Variants in CASP9 observed in about 807,000 individuals in gnomAD.
CASP9 encodes the protein caspase-9.
Under a neutral mutation model 43.5 loss-of-function variants are expected in CASP9, and 29 were observed. The observed-to-expected ratio is 0.67, with a 90% CI of 0.50 to 0.91. CASP9 has a LOEUF of 0.91. Ranked by LOEUF, CASP9 falls within the 40% of genes least tolerant of loss-of-function variation. The pLI, the probability that CASP9 is intolerant of heterozygous loss-of-function variation, is 0.00. For missense variants in CASP9, 575 were observed against 537.4 expected, an observed-to-expected ratio of 1.07 and a Z score of -0.69; for synonymous variants, 206 against 211.9, an observed-to-expected ratio of 0.97 and a Z score of 0.24.
chr1:15,495,262 G>C lies in CASP9; in HGVS notation c.1048+11C>G. On this transcript the variant is annotated intron_variant, in intron 7 of 8. Coordinates refer to ENST00000333868, the MANE Select transcript of CASP9 (RefSeq NM_001229.5). ...ACTGGCTGCGAGGACGAGCCCTTCT[G>C]ATGTGCTCACCTGGGAAAGTAGAGT... The C allele has an allele frequency of 6.2e-7, 1 of 1,607,454 alleles. No individual in the cohort carries two copies.
chr1:15,519,040 A>G (rs886530260), intron 1 of CASP9, among the ~76,000 whole-genome samples: 2 of 134,748 alleles, frequency 1.5e-5, no homozygotes, highest in East Asian at 3.0e-4. Context: ...ATACCTGACT[A>G]ATTTTTTTTT....
At chr1:15,500,497 G>A (rs754472315) in intron 6 of CASP9, among the ~76,000 whole-genome samples, 1 of 152,146 alleles carries the variant, frequency 6.6e-6, no homozygotes, top group Non-Finnish European at 1.5e-5. Flanking sequence ...AGAAACCACT[G>A]GTCATTGGCA....
At chr1:15,523,147 T>C (rs918630491) in intron 1 of CASP9, among the ~76,000 whole-genome samples, 5 of 152,196 alleles carry the variant, frequency 3.3e-5, no homozygotes. Flanking sequence ...AATGTTTGAC[T>C]TCATTATTCT....
chr1:15,514,193 C>T (rs1362682322), intron 2 of CASP9, among the ~76,000 whole-genome samples: 1 of 152,178 alleles, frequency 6.6e-6, no homozygotes, highest in Non-Finnish European at 1.5e-5. Context: ...ATGCCAGTAG[C>T]ACCCACCCAC....
intron 2 of CASP9, among the ~76,000 whole-genome samples, chr1:15,516,430 G>A (rs766678286): frequency 6.6e-5 from 10 of 151,392 alleles, no homozygotes; most frequent in East Asian, 3.9e-4. Context: ...GCAGTGAGCC[G>A]TGATCATGCC....
At chr1:15,493,201 C>T (rs972080579) in intron 8 of CASP9, 166 bp from the exon 9 acceptor site, 5 of 1,414,040 alleles carry the variant, frequency 3.5e-6, no homozygotes, top group Non-Finnish European at 4.6e-6. Context: ...TCAACTTTAC[C>T]TTTAAAAAAC....
At chr1:15,504,368 C>T (rs4646054) in intron 6 of CASP9, among the ~76,000 whole-genome samples, 3,410 of 152,302 alleles carry the variant, frequency 0.022, 142 homozygotes, top group African/African-American at 0.077. Context: ...TTGAAGCTGC[C>T]AAAGTTACTT....
chr1:15,510,675 G>C (rs571176480), intron 2 of CASP9, among the ~76,000 whole-genome samples: 1 of 152,194 alleles, frequency 6.6e-6, no homozygotes, highest in African/African-American at 2.4e-5. Context: ...ACTCCAGGCA[G>C]AGGCCCCGGC....
chr1:15,517,981 T>C (rs1710017414), intron 2 of CASP9, 129 bp downstream of exon 2: 2 of 1,117,700 alleles, frequency 1.8e-6, no homozygotes, highest in Non-Finnish European at 2.6e-6. Flanking sequence ...AATTTTGCCA[T>C]CCCTATGAAC....
At position 15,513,495 on chromosome 1, in the gene CASP9, C is replaced by T. The variant is rs569985119; in HGVS notation, c.418+4615G>A. Among the ~76,000 whole-genome samples the T allele has an allele frequency of 5.3e-5, 8 of 152,196 alleles. No homozygotes were observed. The South Asian group carries it at 1.7e-3, about 32-fold the overall frequency. On this transcript the variant is annotated intron_variant, in intron 2 of 8. Coordinates refer to ENST00000333868, the MANE Select transcript of CASP9 (RefSeq NM_001229.5). ...GAAAAGGCATTTTCCTTTGAATATACAAAGACAAAGCCACTCTCTCTGGTG... is the reference window on the plus strand; with the variant it reads ...GAAAAGGCATTTTCCTTTGAATATATAAAGACAAAGCCACTCTCTCTGGTG...
chr1:15,494,026 C>A (rs1167395795), intron 7 of CASP9, 25 bp from the exon 8 acceptor site: 2 of 1,555,938 alleles, frequency 1.3e-6, no homozygotes, highest in African/African-American at 1.4e-5. Flanking sequence ...GGGCTGAACA[C>A]TGCTGGAGAG....
intron 6 of CASP9, among the ~76,000 whole-genome samples, chr1:15,501,031 C>T (rs1230677750): frequency 2.6e-5 from 4 of 152,196 alleles, no homozygotes; most frequent in African/African-American, 9.7e-5. Flanking sequence ...AGCCTCGGTT[C>T]TTAGAGAGCC....
chr1:15,516,352 C>T (rs1049925571), intron 2 of CASP9, among the ~76,000 whole-genome samples: 1 of 151,574 alleles, frequency 6.6e-6, no homozygotes, highest in Admixed American at 6.6e-5. Context: ...ATTAGCCAGG[C>T]CTGGTGGCGC....
intron 4 of CASP9, 45 bp downstream of exon 4, chr1:15,506,854 C>A: frequency 6.8e-7 from 1 of 1,481,026 alleles, no homozygotes; most frequent in Non-Finnish European, 9.4e-7. Context: ...TACTTCCCCA[C>A]CCACTGCCCC....
chr1:15,493,112 G>A lies in CASP9; in HGVS notation c.1159-77C>T, dbSNP rs878907456. ...GGAAGAATTCAAGAGGGGCTGGGGGGAATGTCCACTCAACCCGCACCTTAA... is the reference window on the plus strand; with the variant it reads ...GGAAGAATTCAAGAGGGGCTGGGGGAAATGTCCACTCAACCCGCACCTTAA... On this transcript the variant is annotated intron_variant, in intron 8 of 8. Transcript: ENST00000333868. 32 of 1,594,490 alleles carry A rather than the reference G, an allele frequency of 2.0e-5. No homozygotes were observed. In the Admixed American group the frequency reaches 5.6e-4, roughly 28 times the overall value.
intron 2 of CASP9, among the ~76,000 whole-genome samples, chr1:15,509,305 C>T (rs1028912068): frequency 6.6e-6 from 1 of 152,070 alleles, no homozygotes; most frequent in African/African-American, 2.4e-5. Flanking sequence ...TTCACTGATA[C>T]ACGCAATGCG....
At chr1:15,506,674 A>C (rs938466236) in intron 4 of CASP9, among the ~76,000 whole-genome samples, 2 of 152,138 alleles carry the variant, frequency 1.3e-5, no homozygotes, top group African/African-American at 2.4e-5. Context: ...AGACAAGGAA[A>C]CTGAGGCACA....
chr1:15,521,761 C>G (rs564945677), intron 1 of CASP9, among the ~76,000 whole-genome samples: 2 of 152,124 alleles, frequency 1.3e-5, no homozygotes, highest in African/African-American at 4.8e-5. Flanking sequence ...AGTGGTCCCC[C>G]GGGCCCAGCT....
At chr1:15,493,532 C>A in intron 8 of CASP9, 1 of 1,389,210 alleles carries the variant, frequency 7.2e-7, no homozygotes, top group Non-Finnish European at 9.3e-7. Context: ...GAGTAGAAGA[C>A]TACATGATGC....
Sources: allele counts gnomAD v4.1 joint callset (sites outside exome capture counted in the v4.1 genomes callset), GRCh38; gene constraint gnomAD v4.1.1; transcripts MANE v1.5; gene names NCBI Gene and HGNC (gene_info 2026-07-23, HGNC 2026-07-21).